The following MAPKAP1 variants were observed in gnomAD, a reference collection of about 807,000 sequenced individuals.
MAPKAP1 encodes MAPK associated protein 1.
Under a neutral mutation model 65.7 loss-of-function variants are expected in MAPKAP1, and 20 were observed. The observed-to-expected ratio is 0.30, with a 90% confidence interval of 0.21 to 0.44. MAPKAP1 has a LOEUF of 0.44. Among genes scored for constraint, MAPKAP1 ranks in the 20% least tolerant of loss-of-function variants. The pLI, the probability that MAPKAP1 is intolerant of heterozygous loss-of-function variation, is 1.00. For synonymous variants in MAPKAP1, 222 were observed against 244.3 expected, an observed-to-expected ratio of 0.91 and a Z score of 0.85; for missense variants, 423 against 648.0, an observed-to-expected ratio of 0.65 and a Z score of 3.77.
chr9:125,481,537 C>A (rs1434087714), intron 9 of MAPKAP1, among the ~76,000 whole-genome samples: 2 of 152,032 alleles, frequency 1.3e-5, no homozygotes, highest in Admixed American at 1.3e-4. Flanking sequence ...ATCCTCCCAT[C>A]GCAGCCTCCT....
At chr9:125,634,719 G>T (rs918138666) in intron 4 of MAPKAP1, among the ~76,000 whole-genome samples, 1 of 152,210 alleles carries the variant, frequency 6.6e-6, no homozygotes, top group Non-Finnish European at 1.5e-5. Flanking sequence ...TTGATAAAGG[G>T]TTAGAGGGGA....
rs117588648 is a variant in MAPKAP1 at position 125,672,246 on chromosome 9, T to C, written c.259+70A>G. On this transcript the variant is annotated intron_variant, in intron 2 of 11. Coordinates refer to ENST00000265960, the MANE Select transcript of MAPKAP1 (RefSeq NM_001006617.3). Reference sequence around the variant, plus strand: ...ATCCCCCATTAAGCCTATTCCAATATTATGCATTATTCCATAAGACTGTTT... The same window carrying C: ...ATCCCCCATTAAGCCTATTCCAATACTATGCATTATTCCATAAGACTGTTT... 5.1e-4 allele frequency: 786 copies of C among 1,536,256 alleles called. 6 individuals carry two copies. The East Asian group carries it at 0.014, about 28-fold the overall frequency.
At chr9:125,617,837 C>T (rs866333539) in intron 4 of MAPKAP1, among the ~76,000 whole-genome samples, 5 of 152,204 alleles carry the variant, frequency 3.3e-5, no homozygotes, top group South Asian at 2.1e-4. Context: ...AAGGAGGACA[C>T]GGAGGGGACT....
At chr9:125,706,810 T>C (rs1385070474) in intron 1 of MAPKAP1, among the ~76,000 whole-genome samples, 161 bp downstream of exon 1, 1 of 151,850 alleles carries the variant, frequency 6.6e-6, no homozygotes, top group Non-Finnish European at 1.5e-5. Flanking sequence ...CCTCCAGTTC[T>C]GGAAATGGCC....
At chr9:125,704,342 G>A (rs1419130725) in intron 1 of MAPKAP1, among the ~76,000 whole-genome samples, 1 of 152,070 alleles carries the variant, frequency 6.6e-6, no homozygotes, top group Non-Finnish European at 1.5e-5. Context: ...ATGAGATAAA[G>A]CATTTAACAT....
intron 10 of MAPKAP1, among the ~76,000 whole-genome samples, chr9:125,462,357 A>T (rs979210948): frequency 1.6e-4 from 24 of 152,200 alleles, no homozygotes; most frequent in Non-Finnish European, 2.5e-4. Flanking sequence ...AGCTCTACAA[A>T]CAAGTAACAA....
At chr9:125,463,393 G>A (rs1853569364) in intron 10 of MAPKAP1, among the ~76,000 whole-genome samples, 1 of 152,146 alleles carries the variant, frequency 6.6e-6, no homozygotes, top group Non-Finnish European at 1.5e-5. Context: ...AATCAATGTG[G>A]ACAAATCATT....
intron 4 of MAPKAP1, among the ~76,000 whole-genome samples, chr9:125,617,574 T>A (rs1463701942): frequency 6.6e-6 from 1 of 152,204 alleles, no homozygotes; most frequent in East Asian, 1.9e-4. Flanking sequence ...GCAACTGAAA[T>A]GTCCATCAAC....
At chr9:125,651,501 A>G (rs944043512) in intron 4 of MAPKAP1, among the ~76,000 whole-genome samples, 10 of 152,108 alleles carry the variant, frequency 6.6e-5, no homozygotes, top group Non-Finnish European at 1.5e-4. Flanking sequence ...GCTACTCGGG[A>G]GGCTGAGGCG....
At chr9:125,695,713 C>T (rs1256097736) in intron 1 of MAPKAP1, among the ~76,000 whole-genome samples, 1 of 151,726 alleles carries the variant, frequency 6.6e-6, no homozygotes, top group African/African-American at 2.4e-5. Flanking sequence ...ACTGTACAAG[C>T]TGAAACTATT....
chr9:125,639,686 C>T (rs1211338955), intron 4 of MAPKAP1, among the ~76,000 whole-genome samples: 2 of 152,054 alleles, frequency 1.3e-5, no homozygotes, highest in Admixed American at 1.3e-4. Context: ...TCAGATGAGG[C>T]AAGGAAATGT....
intron 10 of MAPKAP1, among the ~76,000 whole-genome samples, chr9:125,446,159 G>A (rs1852707177): frequency 6.6e-6 from 1 of 152,132 alleles, no homozygotes; most frequent in Non-Finnish European, 1.5e-5. Context: ...GGACTTTACA[G>A]TAGCTAATTT....
intron 4 of MAPKAP1, among the ~76,000 whole-genome samples, chr9:125,623,712 G>T (rs1341807237): frequency 2.2e-4 from 8 of 35,658 alleles, no homozygotes; most frequent in African/African-American, 3.7e-4. Flanking sequence ...GGTGGGGGGG[G>T]GGTCAGCCCC....
intron 4 of MAPKAP1, among the ~76,000 whole-genome samples, chr9:125,626,035 A>C (rs1043402875): frequency 6.6e-6 from 1 of 152,214 alleles, no homozygotes; most frequent in Non-Finnish European, 1.5e-5. Flanking sequence ...TAAGGACTGA[A>C]CGTCTACATT....
At chr9:125,549,329 C>G (rs1467347856) in intron 6 of MAPKAP1, among the ~76,000 whole-genome samples, 1 of 152,214 alleles carries the variant, frequency 6.6e-6, no homozygotes, top group African/African-American at 2.4e-5. Context: ...TCCCAACCTG[C>G]TCTGGTCCAA....
intron 4 of MAPKAP1, among the ~76,000 whole-genome samples, chr9:125,632,117 G>A (rs1203857055): frequency 6.6e-6 from 1 of 151,984 alleles, no homozygotes; most frequent in Non-Finnish European, 1.5e-5. Context: ...AGCTACCTGG[G>A]AGGCTGAGGC....
chr9:125,671,078 T>C (rs571423248), intron 2 of MAPKAP1, among the ~76,000 whole-genome samples: 2 of 152,300 alleles, frequency 1.3e-5, no homozygotes, highest in Admixed American at 6.5e-5. Flanking sequence ...AATATAATCA[T>C]AAAGCTCTCA....
chr9:125,527,154 C>G (rs780469093), intron 7 of MAPKAP1, among the ~76,000 whole-genome samples: 7 of 151,224 alleles, frequency 4.6e-5, no homozygotes, highest in Admixed American at 4.6e-4. Flanking sequence ...AAGCTCTGCC[C>G]GCCCCCAGGT....
At chr9:125,522,403 T>C (rs1288937459) in intron 7 of MAPKAP1, among the ~76,000 whole-genome samples, 1 of 152,246 alleles carries the variant, frequency 6.6e-6, no homozygotes, top group Admixed American at 6.5e-5. Context: ...ACTCCTACCA[T>C]GTGCCATGTC....
Sources: allele counts gnomAD v4.1 joint callset (sites outside exome capture counted in the v4.1 genomes callset), GRCh38; gene constraint gnomAD v4.1.1; transcripts MANE v1.5; gene names NCBI Gene and HGNC (gene_info 2026-07-23, HGNC 2026-07-21).